ATP9B: variants seen among roughly 807,000 people sequenced by gnomAD.
The protein encoded by ATP9B is ATPase phospholipid transporting 9B.
A neutral mutation model predicts 146.1 loss-of-function variants in ATP9B; 110 were observed. The observed-to-expected ratio is 0.75, with a 90% CI of 0.65 to 0.88. The LOEUF is 0.88. ATP9B is among the 40% of genes least tolerant of loss of function. The probability of loss-of-function intolerance (pLI) is 0.00; values close to 1 mark genes in which losing one functional copy is unlikely to be tolerated. For missense variants in ATP9B, 1,499 were observed against 1,496.4 expected (o/e 1.00, Z -0.03); for synonymous variants, 604 against 569.7 (o/e 1.06, Z -0.86).
At chr18:79,211,524 G>C (rs2095584208) in intron 10 of ATP9B, among the ~76,000 whole-genome samples, 1 of 152,194 alleles carries the variant, frequency 6.6e-6, no homozygotes, top group South Asian at 2.1e-4. Flanking sequence ...AGGAGTAAAT[G>C]TGGTCATATT....
At position 79,329,179 on chromosome 18, in the gene ATP9B, G is replaced by A. The variant is rs61737608; in HGVS notation, c.1812G>A (p.Thr604=). The part of the protein sequence containing the change: ...LVQWTESVGL[T]LVSRDLTSMQ... ...AGTGGACAGAGAGTGTGGGCCTCAC[G>A]CTGGTCAGCAGGGACCTCACCTCCA... The change falls in exon 16 of 30, where the codon ACG becomes ACA. Residue 604 remains threonine, a synonymous_variant. Transcript: ENST00000426216. 1.3e-3 allele frequency: 2,077 copies of A among 1,610,358 alleles called. 13 individuals carry two copies. In the African/African-American group the frequency reaches 0.023, roughly 18 times the overall value.
rs545509937 is a variant in ATP9B, at chr18:79,162,787, C to T, written c.778+8232C>T. Among the ~76,000 whole-genome samples the T allele has an allele frequency of 4.2e-4, 64 of 152,262 alleles. 1 individual carries two copies. Among genetic ancestry groups the T allele is most frequent in the South Asian group, 3.9e-3 (19 of 4,826 alleles). ...TCTTTTGTTGGCCGTATACCCTAGC[C>T]GATCTCTTTCAGAGCTGTTGGATTT... On this transcript the variant is annotated intron_variant, in intron 7 of 29. Transcript: ENST00000426216.
chr18:79,236,756 G>A lies in ATP9B; in HGVS notation c.1108-16625G>A, dbSNP rs1365263526. 1.8e-4 allele frequency among the ~76,000 whole-genome samples: 24 copies of A among 135,338 alleles called. 1 individual carries two copies. The highest frequency in any genetic ancestry group is 4.8e-4 in the East Asian group (2 of 4,174). 88.8% of individuals were successfully genotyped at this position (135,338 alleles called of 152,430 possible). A position where few individuals can be genotyped will look rare whatever the true frequency, so the allele number is the denominator to read the frequency against. ...CCTGCCCCTTCCCCACTGTGTGCAC[G>A]GTCCGTGCACGAGTCAGTGTCCACA... On this transcript the variant is annotated intron_variant, in intron 11 of 29. Transcript: ENST00000426216.
intron 13 of ATP9B, among the ~76,000 whole-genome samples, chr18:79,298,354 C>T (rs1046099102): frequency 2.1e-5 from 3 of 145,902 alleles, no homozygotes; most frequent in Non-Finnish European, 4.5e-5. Flanking sequence ...AGTACGGTGC[C>T]GTTTATAATT....
At chr18:79,291,516 A>C (rs2096503032) in intron 13 of ATP9B, among the ~76,000 whole-genome samples, 1 of 152,226 alleles carries the variant, frequency 6.6e-6, no homozygotes, top group African/African-American at 2.4e-5. Flanking sequence ...AAAATCATCG[A>C]GATTTAAAAA....
chr18:79,207,076 G>C, intron 10 of ATP9B, 64 bp downstream of exon 10: 1 of 1,498,932 alleles, frequency 6.7e-7, no homozygotes, highest in Non-Finnish European at 9.3e-7. Context: ...GTTTTGTCCA[G>C]GGACTCCAAA....
chr18:79,234,432 C>T (rs1040793449), intron 11 of ATP9B, among the ~76,000 whole-genome samples: 1 of 152,244 alleles, frequency 6.6e-6, no homozygotes, highest in African/African-American at 2.4e-5. Context: ...GCAGCCACAC[C>T]TTTTCTTTGC....
intron 9 of ATP9B, among the ~76,000 whole-genome samples, chr18:79,201,792 C>G (rs2095490949): frequency 6.6e-6 from 1 of 152,078 alleles, no homozygotes; most frequent in African/African-American, 2.4e-5. Flanking sequence ...AACTCCTGAC[C>G]TAGTGATCCA....
At chr18:79,294,707 G>T (rs2096535235) in intron 13 of ATP9B, among the ~76,000 whole-genome samples, 1 of 152,152 alleles carries the variant, frequency 6.6e-6, no homozygotes, top group African/African-American at 2.4e-5. Flanking sequence ...AGTTATTGTG[G>T]CTGTCTGGTG....
intron 8 of ATP9B, among the ~76,000 whole-genome samples, chr18:79,184,258 C>T (rs951090965): frequency 6.6e-6 from 1 of 152,150 alleles, no homozygotes; most frequent in Non-Finnish European, 1.5e-5. Context: ...TCCTATAGTT[C>T]CAGCTGATGC....
At chr18:79,371,407 G>A (rs1460698911) in intron 26 of ATP9B, among the ~76,000 whole-genome samples, 1 of 142,240 alleles carries the variant, frequency 7.0e-6, no homozygotes, top group African/African-American at 2.6e-5. Context: ...AAAAACAGTA[G>A]TGCTTCTTCG....
intron 15 of ATP9B, among the ~76,000 whole-genome samples, chr18:79,325,920 GTACCCTCCCTCCCCT>G (rs2096742119): frequency 6.7e-6 from 1 of 148,722 alleles, no homozygotes; most frequent in Non-Finnish European, 1.5e-5. Flanking sequence ...TGTCATCTCT[GTACCCTCCCTCCCCT>G]CACATGGTGT....
At chr18:79,125,600 A>C (rs2094271294) in intron 4 of ATP9B, among the ~76,000 whole-genome samples, 1 of 152,218 alleles carries the variant, frequency 6.6e-6, no homozygotes, top group Admixed American at 6.5e-5. Flanking sequence ...TATTCCTGTA[A>C]CATGTCAGAA....
intron 15 of ATP9B, among the ~76,000 whole-genome samples, chr18:79,310,674 G>A (rs1193398568): frequency 6.6e-6 from 1 of 152,144 alleles, no homozygotes; most frequent in Non-Finnish European, 1.5e-5. Context: ...GTGTCCTGAA[G>A]GCACTTCTCA....
rs143735878 is a variant in ATP9B, at chr18:79,096,419, C to T, written c.120-57C>T. ...GAGGAAATATTGTCCCTAAATGAAA[C>T]ACACTGTAAAGAAGACTGCTTGGCC... On this transcript the variant is annotated intron_variant, in intron 1 of 29. Transcript: ENST00000426216. The T allele has an allele frequency of 2.0e-6, 3 of 1,472,096 alleles. No individual in the cohort carries two copies. The African/African-American group carries it at 4.4e-5, about 21-fold the overall frequency. 91.2% of individuals were successfully genotyped at this position (1,472,096 alleles called of 1,614,324 possible). A position where few individuals can be genotyped will look rare whatever the true frequency, so the allele number is the denominator to read the frequency against.
rs190962460 is a variant in ATP9B at position 79,311,458 on chromosome 18, C to A, written c.1773+4224C>A. Among the ~76,000 whole-genome samples, 28 of 152,178 alleles carry A rather than the reference C, an allele frequency of 1.8e-4. 1 individual carries two copies. In the East Asian group the frequency reaches 5.2e-3, roughly 28 times the overall value. Reference sequence around the variant, plus strand: ...TACGGTGACCTCAGGAACAAGAAAGCCTAAATGTGCCAGCAGATTCATGGT... The same window carrying A: ...TACGGTGACCTCAGGAACAAGAAAGACTAAATGTGCCAGCAGATTCATGGT... On this transcript the variant is annotated intron_variant, in intron 15 of 29. Transcript: ENST00000426216.
At chr18:79,198,806 T>C (rs536135230) in intron 9 of ATP9B, among the ~76,000 whole-genome samples, 5 of 152,306 alleles carry the variant, frequency 3.3e-5, no homozygotes, top group African/African-American at 1.2e-4. Flanking sequence ...TTGGTCTGGG[T>C]GAGTCAGTGA....
intron 10 of ATP9B, among the ~76,000 whole-genome samples, chr18:79,208,011 C>T (rs1337915616): frequency 2.6e-5 from 4 of 152,046 alleles, no homozygotes; most frequent in African/African-American, 7.2e-5. Flanking sequence ...TGTGGGAGGC[C>T]GAGGCGGGCG....
intron 13 of ATP9B, among the ~76,000 whole-genome samples, chr18:79,287,503 C>G (rs1383578139): frequency 1.3e-5 from 2 of 152,090 alleles, no homozygotes; most frequent in Non-Finnish European, 2.9e-5. Flanking sequence ...TGATTCTTCT[C>G]TCTTTTCTTC....
Sources: gnomAD v4.1 joint callset for allele counts (sites outside exome capture counted in the v4.1 genomes callset) on GRCh38, gnomAD v4.1.1 for gene constraint, MANE v1.5 for transcripts, NCBI Gene and HGNC (gene_info 2026-07-23, HGNC 2026-07-21) for gene names.